Variants in BCL2L13 observed in about 807,000 individuals in gnomAD.
BCL2L13 encodes the protein bcl-2-like protein 13.
A neutral mutation model predicts 25.8 loss-of-function variants in BCL2L13; 13 were observed. That is an observed-to-expected ratio of 0.50 (90% CI 0.33 to 0.80). BCL2L13 has a LOEUF of 0.80. Ranked by LOEUF, BCL2L13 falls within the 30% of genes least tolerant of loss-of-function variation. BCL2L13 has a pLI of 0.02. For synonymous variants in BCL2L13, 244 were observed against 230.3 expected, an observed-to-expected ratio of 1.06 and a Z score of -0.54; for missense variants, 504 against 574.9, an observed-to-expected ratio of 0.88 and a Z score of 1.26.
chr22:17,723,468 G>T (rs2061205775), intron 6 of BCL2L13, among the ~76,000 whole-genome samples: 2 of 152,060 alleles, frequency 1.3e-5, no homozygotes, highest in Non-Finnish European at 2.9e-5. Context: ...GTTTCCATTT[G>T]TTTTCACTTC....
At chr22:17,638,113 TACTCCTCCAAAGA>T (rs997968133), upstream of BCL2L13, 1 of 152,260 alleles carries the variant, frequency 6.6e-6, no homozygotes, top group African/African-American at 2.4e-5. Context: ...TACCTTCCGA[TACTCCTCCAAAGA>T]ACTCTCGGAT....
At chr22:17,719,758 G>A (rs915230534) in intron 6 of BCL2L13, among the ~76,000 whole-genome samples, 2 of 151,170 alleles carry the variant, frequency 1.3e-5, no homozygotes. Flanking sequence ...GAATCCGGGA[G>A]GCGGAGGTTG....
chr22:17,680,522 A>G (rs1173059020), intron 2 of BCL2L13, among the ~76,000 whole-genome samples: 1 of 88,636 alleles, frequency 1.1e-5, no homozygotes, highest in Non-Finnish European at 2.4e-5. Context: ...AAAAAAAAAA[A>G]AAAAAAAAAA....
intron 2 of BCL2L13, among the ~76,000 whole-genome samples, chr22:17,681,498 G>GAAAA (rs58442419): frequency 1.5e-5 from 2 of 135,214 alleles, no homozygotes; most frequent in African/African-American, 5.4e-5. Flanking sequence ...GACTCCGTCT[G>GAAAA]AAAAAAAAAA....
At chr22:17,671,298 G>C (rs2059409065) in intron 2 of BCL2L13, among the ~76,000 whole-genome samples, 1 of 150,976 alleles carries the variant, frequency 6.6e-6, no homozygotes, top group African/African-American at 2.4e-5. Flanking sequence ...GAAGGCCGAG[G>C]CAGGAGAATG....
intron 6 of BCL2L13, among the ~76,000 whole-genome samples, chr22:17,711,172 C>T (rs536050628): frequency 1.3e-5 from 2 of 151,522 alleles, no homozygotes; most frequent in East Asian, 2.0e-4. Flanking sequence ...TAGTGAGTTA[C>T]GATTATGCCA....
intron 6 of BCL2L13, among the ~76,000 whole-genome samples, chr22:17,723,058 C>T (rs546479175): frequency 2.3e-4 from 35 of 152,248 alleles, no homozygotes; most frequent in African/African-American, 8.4e-4. Flanking sequence ...TAATGAAAAT[C>T]CTTGCAAAAT....
At chr22:17,684,769 T>TG (rs1402052491) in intron 3 of BCL2L13, 6 of 343,794 alleles carry the variant, frequency 1.7e-5, no homozygotes, top group East Asian at 8.6e-5. Flanking sequence ...AGTCTGGCTC[T>TG]TTGCCCAGGC....
chr22:17,722,378 G>GCGTGTGTGTGTGT (rs1491171137), intron 6 of BCL2L13, among the ~76,000 whole-genome samples: 1,394 of 122,048 alleles, frequency 0.011, 32 homozygotes, highest in African/African-American at 0.029. Flanking sequence ...AGACTACAGG[G>GCGTGTGTGTGTGT]GTGTGTGTGT....
At chr22:17,673,112 T>C (rs1284257238) in intron 2 of BCL2L13, among the ~76,000 whole-genome samples, 2 of 152,162 alleles carry the variant, frequency 1.3e-5, no homozygotes, top group Admixed American at 1.3e-4. Context: ...TCATATTCTT[T>C]ATGTAATGAG....
chr22:17,683,132 C>CAAAAA lies in BCL2L13; in HGVS notation c.122-70_122-66dup, dbSNP rs34013263. 1.9e-4 allele frequency: 116 copies of CAAAAA among 603,750 alleles called. 1 individual carries two copies. The highest frequency in any genetic ancestry group is 1.1e-3 in the African/African-American group (44 of 41,540). The allele number at this position is 603,750 out of a possible 1,614,324, so 37.4% of individuals were successfully genotyped here. A position where few individuals can be genotyped will look rare whatever the true frequency, so the allele number is the denominator to read the frequency against. ...CCAGTGACAGTGCGAGACTCCGTCT[C>CAAAAA]AAAAAAAAAAAAAAAAGTGCTATTA... On this transcript the variant is annotated intron_variant, in intron 2 of 6. Coordinates refer to ENST00000317582, the MANE Select transcript of BCL2L13 (RefSeq NM_015367.4).
chr22:17,689,409 A>G (rs2060038363), intron 4 of BCL2L13, among the ~76,000 whole-genome samples: 1 of 152,216 alleles, frequency 6.6e-6, no homozygotes, highest in African/African-American at 2.4e-5. Flanking sequence ...TGCTTTTACC[A>G]AGTAGTAAAT....
At position 17,702,377 on chromosome 22, in the gene BCL2L13, A is replaced by G. The variant is rs2060464186; in HGVS notation, c.591A>G (p.Gln197=). 5 of 1,591,682 alleles carry G rather than the reference A, an allele frequency of 3.1e-6. No homozygotes were observed. The highest frequency in any genetic ancestry group is 2.6e-6 in the Non-Finnish European group (3 of 1,171,326). Residue 197 remains glutamine (Q), a synonymous_variant, in exon 6 of 7, where the codon CAA becomes CAG. Coordinates refer to ENST00000317582, the MANE Select transcript of BCL2L13 (RefSeq NM_015367.4). ...ATTCGGCAGAGTACATCATTCAGCAAGGTGGCTGGGTATGAGCTGTTATAT... is the reference window on the plus strand; with the variant it reads ...ATTCGGCAGAGTACATCATTCAGCAGGGTGGCTGGGTATGAGCTGTTATAT... ...EDYSAEYIIQ[Q]GGWGTVFSLE...
At chr22:17,684,078 A>G (rs140197751) in intron 3 of BCL2L13, among the ~76,000 whole-genome samples, 45 of 152,106 alleles carry the variant, frequency 3.0e-4, no homozygotes, top group African/African-American at 9.9e-4. Flanking sequence ...TTCCATAGGT[A>G]ATGCTGCACT....
intron 1 of BCL2L13, among the ~76,000 whole-genome samples, chr22:17,646,458 A>G (rs1354460420): frequency 5.3e-5 from 8 of 150,972 alleles, no homozygotes. Context: ...CATATTGGTC[A>G]AGCTGGTCTC....
At chr22:17,676,378 G>C (rs1474742084) in intron 2 of BCL2L13, among the ~76,000 whole-genome samples, 1 of 152,118 alleles carries the variant, frequency 6.6e-6, no homozygotes, top group African/African-American at 2.4e-5. Flanking sequence ...TGGGAGAATT[G>C]CTTGAACCCA....
At chr22:17,678,903 G>A (rs2059652036) in intron 2 of BCL2L13, among the ~76,000 whole-genome samples, 2 of 152,134 alleles carry the variant, frequency 1.3e-5, no homozygotes, top group African/African-American at 4.8e-5. Flanking sequence ...AGCTTGTTTG[G>A]TTTTTCTGCT....
chr22:17,716,561 A>G (rs945230149), intron 6 of BCL2L13, among the ~76,000 whole-genome samples: 3 of 152,126 alleles, frequency 2.0e-5, no homozygotes, highest in Admixed American at 2.0e-4. Context: ...GAGAAGAAAG[A>G]TTGACTTTAC....
intron 2 of BCL2L13, among the ~76,000 whole-genome samples, chr22:17,666,758 T>G (rs2059247062): frequency 6.6e-6 from 1 of 150,400 alleles, no homozygotes; most frequent in African/African-American, 2.4e-5. Context: ...CTCAGCTCAC[T>G]GAAACCTTTG....
Sources: gnomAD v4.1 joint callset for allele counts (sites outside exome capture counted in the v4.1 genomes callset) on GRCh38, gnomAD v4.1.1 for gene constraint, MANE v1.5 for transcripts, NCBI Gene and HGNC (gene_info 2026-07-23, HGNC 2026-07-21) for gene names.